Variants in CLVS1 observed in about 807,000 individuals in gnomAD.
CLVS1 encodes clavesin 1.
In CLVS1, 10 loss-of-function variants were observed where a neutral mutation model predicts 33.1. The ratio of observed to expected loss-of-function variants is 0.30; its 90% CI spans 0.19 to 0.51. The LOEUF is 0.51. Ranked by LOEUF, CLVS1 falls within the 20% of genes least tolerant of loss-of-function variation. The pLI is 0.97. For synonymous variants in CLVS1, 163 were observed against 166.1 expected (o/e 0.98, Z 0.14); for missense variants, 343 against 433.4 (o/e 0.79, Z 1.85).
At chr8:61,102,940 G>A (rs1799792581) in intron 1 of CLVS1, among the ~76,000 whole-genome samples, 1 of 152,202 alleles carries the variant, frequency 6.6e-6, no homozygotes, top group Admixed American at 6.5e-5. Context: ...GTAGTGACAG[G>A]AGTGAAGCTG....
At chr8:61,140,262 T>C (rs993920031) in intron 2 of CLVS1, among the ~76,000 whole-genome samples, 1 of 152,202 alleles carries the variant, frequency 6.6e-6, no homozygotes, top group Non-Finnish European at 1.5e-5. Context: ...TCTTTACAGA[T>C]AGTATTGATT....
the CLVS1 span, among the ~76,000 whole-genome samples, chr8:61,009,003 T>C: frequency 6.6e-6 from 1 of 152,336 alleles, no homozygotes; most frequent in African/African-American, 2.4e-5. Flanking sequence ...GCACCTCTTA[T>C]GTGAATTGGC....
intron 3 of CLVS1, among the ~76,000 whole-genome samples, chr8:61,390,269 A>G (rs1814252493): frequency 6.6e-6 from 1 of 152,140 alleles, no homozygotes; most frequent in Admixed American, 6.5e-5. Flanking sequence ...CCCTTTTAAT[A>G]TTTTACTTCA....
intron 5 of CLVS1, among the ~76,000 whole-genome samples, chr8:61,495,839 G>A (rs1363734570): frequency 2.0e-5 from 3 of 152,316 alleles, no homozygotes; most frequent in African/African-American, 7.2e-5. Context: ...GAGTCTATGG[G>A]CAACCCAGCT....
intron 2 of CLVS1, among the ~76,000 whole-genome samples, chr8:61,234,437 A>G (rs1808510197): frequency 6.6e-6 from 1 of 152,180 alleles, no homozygotes; most frequent in South Asian, 2.1e-4. Flanking sequence ...TTCAGGGTAC[A>G]CAACACAGAA....
chr8:61,184,644 C>G (rs1445541166), intron 2 of CLVS1, among the ~76,000 whole-genome samples: 1 of 152,148 alleles, frequency 6.6e-6, no homozygotes, highest in Non-Finnish European at 1.5e-5. Context: ...AAAACGGAAA[C>G]TGAATTTCCT....
the CLVS1 span, among the ~76,000 whole-genome samples, chr8:60,992,044 G>C: frequency 6.6e-6 from 1 of 152,100 alleles, no homozygotes; most frequent in East Asian, 1.9e-4. Flanking sequence ...CACCACACCT[G>C]GCCTCCTGCT....
chr8:61,299,414 C>A (rs963613363), intron 1 of CLVS1, among the ~76,000 whole-genome samples: 1 of 152,118 alleles, frequency 6.6e-6, no homozygotes, highest in African/African-American at 2.4e-5. Context: ...TCTGATCAAG[C>A]ACTATTACGT....
intron 2 of CLVS1, among the ~76,000 whole-genome samples, chr8:61,331,826 C>CTCT (rs1563499904): frequency 7.8e-6 from 1 of 127,412 alleles, no homozygotes; most frequent in African/African-American, 3.5e-5. Context: ...CCTCCTCTTC[C>CTCT]TCCTCCTCCT....
rs1300765631 is a variant in CLVS1, at chr8:61,120,106, G to A, written c.-242-11664G>A. Among the ~76,000 whole-genome samples, 85 of 147,340 alleles carry A rather than the reference G, an allele frequency of 5.8e-4. 1 individual carries two copies. Among genetic ancestry groups the A allele is most frequent in the Middle Eastern group, 3.4e-3 (1 of 292 alleles). On this transcript the variant is annotated intron_variant, in intron 1 of 2. Transcript: ENST00000522621. ...CTTTTTTCTCTAAACTTCCCTTCTC[G>A]CTTCATTTCATTCATTTCATCTTCC...
rs562472385 is a variant in CLVS1, at chr8:61,495,836, T to C, written c.978-3619T>C. 3.8e-4 allele frequency among the ~76,000 whole-genome samples: 58 copies of C among 152,290 alleles called. 1 individual carries two copies. The South Asian group carries it at 0.012, about 32-fold the overall frequency. Reference sequence around the variant, plus strand: ...ATTCTGAGGTCACACCAGGAGTCTATGGGCAACCCAGCTAGTTGATGAAGA... The same window carrying C: ...ATTCTGAGGTCACACCAGGAGTCTACGGGCAACCCAGCTAGTTGATGAAGA... On this transcript the variant is annotated intron_variant, in intron 5 of 5. Coordinates refer to ENST00000325897, the MANE Select transcript of CLVS1 (RefSeq NM_173519.3).
At position 61,294,961 on chromosome 8, in the gene CLVS1, A is replaced by T. The variant is rs140367470; in HGVS notation, c.-151-4716A>T. Among the ~76,000 whole-genome samples, 226 of 152,324 alleles carry T rather than the reference A, an allele frequency of 1.5e-3. 1 individual carries two copies. The East Asian group carries it at 0.016, about 11-fold the overall frequency. On this transcript the variant is annotated intron_variant, in intron 1 of 5. Coordinates refer to ENST00000325897, the MANE Select transcript of CLVS1 (RefSeq NM_173519.3). ...AGGATTTTTTTCTAATGTAAACTTG[A>T]GATGAAATATACAACTAGAATCTAC...
At chr8:61,297,941 T>C (rs893215826) in intron 1 of CLVS1, among the ~76,000 whole-genome samples, 1 of 152,208 alleles carries the variant, frequency 6.6e-6, no homozygotes, top group Non-Finnish European at 1.5e-5. Flanking sequence ...TTGGATGTAG[T>C]AACAAAAATG....
chr8:61,157,009 C>T (rs796723727), intron 2 of CLVS1, among the ~76,000 whole-genome samples: 2 of 152,240 alleles, frequency 1.3e-5, no homozygotes, highest in African/African-American at 4.8e-5. Flanking sequence ...AGAAGGAAAA[C>T]AATGAATTTT....
intron 2 of CLVS1, among the ~76,000 whole-genome samples, chr8:61,191,895 G>T (rs1807491365): frequency 6.6e-6 from 1 of 152,090 alleles, no homozygotes; most frequent in Admixed American, 6.5e-5. Flanking sequence ...ACAAATGGAA[G>T]AACATTCCAT....
chr8:61,482,132 G>C (rs1050403483), intron 5 of CLVS1, among the ~76,000 whole-genome samples: 2 of 152,236 alleles, frequency 1.3e-5, no homozygotes, highest in African/African-American at 4.8e-5. Flanking sequence ...CTGCAGCTGA[G>C]GGTCCTGACT....
At chr8:61,389,919 A>G (rs142933450) in intron 3 of CLVS1, among the ~76,000 whole-genome samples, 180 of 152,350 alleles carry the variant, frequency 1.2e-3, no homozygotes, top group African/African-American at 4.1e-3. Flanking sequence ...GGTTTACGAG[A>G]GTAAAAAAGT....
At position 61,499,430 on chromosome 8, in the gene CLVS1, G is replaced by A. The variant is rs376475641; in HGVS notation, c.978-25G>A. On this transcript the variant is annotated intron_variant, in intron 5 of 5. Transcript: ENST00000325897. ...GTCACCATGAATTGTTTGTAATTCT[G>A]TCTTTTTCCCTCCCCTCTTGTTAGA... 51 of 1,536,526 alleles carry A rather than the reference G, an allele frequency of 3.3e-5. No individual in the cohort carries two copies. In the African/African-American group the frequency reaches 5.9e-4, roughly 18 times the overall value.
chr8:61,285,608 A>C (rs1181322449), upstream of CLVS1, among the ~76,000 whole-genome samples: 1 of 152,130 alleles, frequency 6.6e-6, no homozygotes, highest in South Asian at 2.1e-4. Context: ...CGCCCAACTC[A>C]GTACTCACTT....
Sources: gnomAD v4.1 joint callset for allele counts (sites outside exome capture counted in the v4.1 genomes callset) on GRCh38, gnomAD v4.1.1 for gene constraint, MANE v1.5 for transcripts, NCBI Gene and HGNC (gene_info 2026-07-23, HGNC 2026-07-21) for gene names.